BMPR2: variants seen among roughly 807,000 people sequenced by gnomAD.
BMPR2 encodes the protein bone morphogenetic protein receptor type-2.
A neutral mutation model predicts 100.8 loss-of-function variants in BMPR2; 29 were observed. That is an observed-to-expected ratio of 0.29 (90% CI 0.21 to 0.39). The LOEUF (loss-of-function observed/expected upper bound fraction) is 0.39, where lower values mean the gene tolerates loss of function less well. Ranked by LOEUF, BMPR2 falls within the 10% of genes least tolerant of loss-of-function variation. The pLI is 1.00. For synonymous variants in BMPR2, 382 were observed against 442.3 expected (o/e 0.86, Z 1.71); for missense variants, 1,011 against 1,274.5 (o/e 0.79, Z 3.15).
At chr2:202,480,642 C>T (rs1017182073) in intron 3 of BMPR2, among the ~76,000 whole-genome samples, 6 of 151,806 alleles carry the variant, frequency 4.0e-5, no homozygotes, top group Admixed American at 3.3e-4. Context: ...ATTGAAAAGT[C>T]TTGGTATCCT....
chr2:202,440,026 GC>G (rs983671980), intron 1 of BMPR2, among the ~76,000 whole-genome samples: 1 of 150,380 alleles, frequency 6.6e-6, no homozygotes, highest in African/African-American at 2.5e-5. Flanking sequence ...TCAGAGAGCA[GC>G]GGGTTGGGGG....
chr2:202,444,608 A>G (rs905905900), intron 1 of BMPR2, among the ~76,000 whole-genome samples: 6 of 150,698 alleles, frequency 4.0e-5, no homozygotes, highest in Admixed American at 3.9e-4. Flanking sequence ...GGAGGTCACT[A>G]GTGATTTTTA....
chr2:202,500,632 T>G (rs962702688), intron 3 of BMPR2, among the ~76,000 whole-genome samples: 2 of 152,158 alleles, frequency 1.3e-5, no homozygotes, highest in Non-Finnish European at 2.9e-5. Context: ...ATTTGAAAGC[T>G]CAAGGCTTAG....
intron 3 of BMPR2, among the ~76,000 whole-genome samples, chr2:202,490,933 T>C (rs1692888311): frequency 6.6e-6 from 1 of 152,090 alleles, no homozygotes; most frequent in Non-Finnish European, 1.5e-5. Context: ...TTGTTTTGTT[T>C]TTTGTTTTTT....
chr2:202,377,565 C>T lies in BMPR2; in HGVS notation c.76+15C>T, dbSNP rs1416363278. 6.2e-7 allele frequency: 1 copy of T among 1,613,634 alleles called. No homozygotes were observed. The highest frequency in any genetic ancestry group is 2.2e-5 in the East Asian group (1 of 44,876). On this transcript the variant is annotated intron_variant, in intron 1 of 12. Coordinates refer to ENST00000374580, the MANE Select transcript of BMPR2 (RefSeq NM_001204.7). ...CACTGCGGCTGGTGAGTAGCTCCGG[C>T]CGGCACGTCCCGGCCACTGCCCCTG...
intron 10 of BMPR2, among the ~76,000 whole-genome samples, chr2:202,551,183 A>G (rs537781847): frequency 6.6e-6 from 1 of 152,034 alleles, no homozygotes; most frequent in East Asian, 1.9e-4. Flanking sequence ...GTGGATGTTT[A>G]AAAACAAACC....
In BMPR2 at chr2:202,377,563, G is replaced by T; in HGVS notation, c.76+13G>T. On this transcript the variant is annotated intron_variant, in intron 1 of 12. Transcript: ENST00000374580. Reference sequence around the variant, plus strand: ...AGCACTGCGGCTGGTGAGTAGCTCCGGCCGGCACGTCCCGGCCACTGCCCC... The same window carrying T: ...AGCACTGCGGCTGGTGAGTAGCTCCTGCCGGCACGTCCCGGCCACTGCCCC... The T allele has an allele frequency of 6.2e-7, 1 of 1,613,790 alleles. No individual in the cohort carries two copies. Among genetic ancestry groups the T allele is most frequent in the Non-Finnish European group, 8.5e-7 (1 of 1,179,868 alleles).
chr2:202,506,016 C>T (rs1451131374), intron 3 of BMPR2, among the ~76,000 whole-genome samples: 1 of 152,096 alleles, frequency 6.6e-6, no homozygotes, highest in Non-Finnish European at 1.5e-5. Flanking sequence ...GTTCTAGAGT[C>T]TGGGAAGTCC....
intron 1 of BMPR2, among the ~76,000 whole-genome samples, chr2:202,434,937 T>TATATA (rs1559037520): frequency 2.1e-4 from 20 of 97,434 alleles, no homozygotes; most frequent in African/African-American, 5.0e-4. Context: ...ATATATATAT[T>TATATA]TATTTATTTA....
At position 202,495,951 on chromosome 2, in the gene BMPR2, T is replaced by C. The variant is rs1326075789; in HGVS notation, c.419-17768T>C. The stretch of plus-strand genomic sequence containing the variant: ...AAGTAGGAGGACCTTAAAAGTCACT[T>C]ACAAGATCACTTATTTTTATTTTAT... On this transcript the variant is annotated intron_variant, in intron 3 of 12. Coordinates refer to ENST00000374580, the MANE Select transcript of BMPR2 (RefSeq NM_001204.7). The surrounding 1 kb of genome is among the most constrained non-coding windows in gnomAD (Gnocchi z 4.5). Among the ~76,000 whole-genome samples the C allele has an allele frequency of 1.3e-5, 2 of 152,230 alleles. No homozygotes were observed. The highest frequency in any genetic ancestry group is 2.9e-5 in the Non-Finnish European group (2 of 68,042).
rs555682993 is a variant in BMPR2 at position 202,438,605 on chromosome 2, G to C, written c.77-26204G>C. On this transcript the variant is annotated intron_variant, in intron 1 of 12. Transcript: ENST00000374580. The stretch of plus-strand genomic sequence containing the variant: ...TATAGATTTACTTATTACGTTTTGC[G>C]TTTCTGATCCATTTTCAGTTAATTT... 2.7e-5 allele frequency among the ~76,000 whole-genome samples: 4 copies of C among 150,430 alleles called. 1 individual carries two copies. The highest frequency in any genetic ancestry group is 1.0e-4 in the African/African-American group (4 of 39,898).
At chr2:202,484,530 G>C (rs966480857) in intron 3 of BMPR2, among the ~76,000 whole-genome samples, 1 of 150,028 alleles carries the variant, frequency 6.7e-6, no homozygotes, top group Non-Finnish European at 1.5e-5. Flanking sequence ...AAAAATTAGC[G>C]GGCTTGGTGG....
intron 1 of BMPR2, among the ~76,000 whole-genome samples, chr2:202,418,519 A>G (rs1159938413): frequency 2.6e-5 from 4 of 152,260 alleles, no homozygotes; most frequent in African/African-American, 9.6e-5. Flanking sequence ...ACATGTGTCC[A>G]AGGTGCTTGG....
In BMPR2 at chr2:202,562,223, C is replaced by T. The variant is rs914759576; in HGVS notation, c.*2277C>T. ...TTTTCCTGCCAGAAGAGTTATCTTA[C>T]GTTCTGCTATATTTGTATTTGGGCC... On this transcript the variant is annotated 3_prime_UTR_variant, in exon 13 of 13. Transcript: ENST00000374580. 3.3e-5 allele frequency: 5 copies of T among 152,346 alleles called. No individual in the cohort carries two copies. Among genetic ancestry groups the T allele is most frequent in the African/African-American group, 7.2e-5 (3 of 41,408 alleles). The allele number at this position is 152,346 out of a possible 1,614,324, so 9.4% of individuals were successfully genotyped here. A position where few individuals can be genotyped will look rare whatever the true frequency, so the allele number is the denominator to read the frequency against.
chr2:202,389,526 C>CA (rs781745252), intron 1 of BMPR2, among the ~76,000 whole-genome samples: 9,428 of 56,042 alleles, frequency 0.17, 648 homozygotes, highest in South Asian at 0.31. Flanking sequence ...GATTCCATCT[C>CA]AAAAAAAAAA....
chr2:202,394,251 T>A (rs982066294), intron 1 of BMPR2, among the ~76,000 whole-genome samples: 1 of 151,822 alleles, frequency 6.6e-6, no homozygotes, highest in African/African-American at 2.4e-5. Context: ...ACTTGGAGGC[T>A]GAGGCAGGAG....
intron 7 of BMPR2, among the ~76,000 whole-genome samples, chr2:202,522,335 G>A (rs367825553): frequency 1.3e-5 from 2 of 151,702 alleles, no homozygotes; most frequent in East Asian, 1.9e-4. Context: ...GTGAAACCCC[G>A]TCTCTACTAA....
intron 10 of BMPR2, among the ~76,000 whole-genome samples, chr2:202,542,870 C>T (rs1688302546): frequency 6.6e-6 from 1 of 152,080 alleles, no homozygotes; most frequent in Admixed American, 6.6e-5. Context: ...CCTATGAATT[C>T]TGCTAATTAT....
rs543819985 is a variant in BMPR2, at chr2:202,465,581, G to A, written c.247+602G>A. Among the ~76,000 whole-genome samples, 54 of 152,054 alleles carry A rather than the reference G, an allele frequency of 3.6e-4. 1 individual carries two copies. Among genetic ancestry groups the A allele is most frequent in the African/African-American group, 1.3e-3 (53 of 41,464 alleles). ...CTCTTTAAAAATATTTTTACTGGCC[G>A]GGCGTGGTGGCTCACGCCTGTAATC... is the stretch of plus-strand genomic sequence containing the variant. On this transcript the variant is annotated intron_variant, in intron 2 of 12. Coordinates refer to ENST00000374580, the MANE Select transcript of BMPR2 (RefSeq NM_001204.7).
Sources: gnomAD v4.1 joint callset for allele counts (sites outside exome capture counted in the v4.1 genomes callset) on GRCh38, gnomAD v4.1.1 for gene constraint, Gnocchi (gnomAD v3.1) non-coding constraint, MANE v1.5 for transcripts, NCBI Gene and HGNC (gene_info 2026-07-23, HGNC 2026-07-21) for gene names.